The following BMAL2 variants were observed in gnomAD, a reference collection of about 807,000 sequenced individuals.
BMAL2 encodes the protein basic helix-loop-helix ARNT like 2.
chr12:27,382,036 G>A, the BMAL2 span, among the ~76,000 whole-genome samples: 1 of 152,202 alleles, frequency 6.6e-6, no homozygotes, highest in African/African-American at 2.4e-5. Context: ...TAAGAGGAGA[G>A]CAGCACTCAC....
the BMAL2 span, among the ~76,000 whole-genome samples, chr12:27,360,051 TAAAAA>T: frequency 8.7e-6 from 1 of 115,268 alleles, no homozygotes; most frequent in African/African-American, 3.4e-5. Flanking sequence ...AGACCCTATT[TAAAAA>T]AAAAAAAAAA....
At chr12:27,409,212 A>G in the BMAL2 span, among the ~76,000 whole-genome samples, 1 of 152,286 alleles carries the variant, frequency 6.6e-6, no homozygotes, top group African/African-American at 2.4e-5. Context: ...TCAAGCTACC[A>G]ATGACTTTCT....
At chr12:27,347,244 T>C in the BMAL2 span, among the ~76,000 whole-genome samples, 1 of 152,208 alleles carries the variant, frequency 6.6e-6, no homozygotes, top group Non-Finnish European at 1.5e-5. Context: ...AGGGAAGTGA[T>C]ATGGCTATTT....
At chr12:27,374,601 G>A in the BMAL2 span, among the ~76,000 whole-genome samples, 1 of 152,168 alleles carries the variant, frequency 6.6e-6, no homozygotes, top group South Asian at 2.1e-4. Context: ...CCTTTAAGAT[G>A]GCTAAAAAGA....
At chr12:27,368,252 C>T in the BMAL2 span, 2 of 1,613,814 alleles carry the variant, frequency 1.2e-6, no homozygotes, top group Non-Finnish European at 1.7e-6. Context: ...TTGTACTCTG[C>T]TGCCCATAGG....
chr12:27,348,562 C>G, the BMAL2 span, among the ~76,000 whole-genome samples: 1 of 152,014 alleles, frequency 6.6e-6, no homozygotes, highest in Non-Finnish European at 1.5e-5. Context: ...AAAAACCACT[C>G]CTCACTTTAA....
the BMAL2 span, chr12:27,387,224 C>G: frequency 6.3e-7 from 1 of 1,598,398 alleles, no homozygotes; most frequent in Admixed American, 1.7e-5. Flanking sequence ...TTTTTAAATC[C>G]TAGACTGCAG....
At chr12:27,355,038 G>A in the BMAL2 span, among the ~76,000 whole-genome samples, 1 of 152,150 alleles carries the variant, frequency 6.6e-6, no homozygotes, top group Non-Finnish European at 1.5e-5. Flanking sequence ...TCACTGTCTT[G>A]TGTATTTCAG....
chr12:27,389,100 AAG>A, the BMAL2 span: 1 of 961,678 alleles, frequency 1.0e-6, no homozygotes, highest in Admixed American at 2.1e-5. Flanking sequence ...AAAATCAAAA[AAG>A]AACATTTATT....
At chr12:27,344,872 A>C in the BMAL2 span, among the ~76,000 whole-genome samples, 1 of 152,164 alleles carries the variant, frequency 6.6e-6, no homozygotes, top group Non-Finnish European at 1.5e-5. Flanking sequence ...AAAATATGTA[A>C]AGCATATGGT....
At chr12:27,359,320 C>A in the BMAL2 span, among the ~76,000 whole-genome samples, 1 of 152,154 alleles carries the variant, frequency 6.6e-6, no homozygotes, top group Non-Finnish European at 1.5e-5. Flanking sequence ...GTTCTGATTT[C>A]ACATCTTTCA....
chr12:27,347,448 G>T, the BMAL2 span, among the ~76,000 whole-genome samples: 1 of 152,054 alleles, frequency 6.6e-6, no homozygotes, highest in Non-Finnish European at 1.5e-5. Flanking sequence ...TTCCATGAAG[G>T]ATTAGTCTCT....
chr12:27,354,551 A>G, the BMAL2 span, among the ~76,000 whole-genome samples: 1 of 152,194 alleles, frequency 6.6e-6, no homozygotes, highest in Non-Finnish European at 1.5e-5. Context: ...AAACCTGCAC[A>G]TATATCCCTT....
the BMAL2 span, chr12:27,389,368 T>G: frequency 9.6e-7 from 1 of 1,042,300 alleles, no homozygotes; most frequent in Non-Finnish European, 1.4e-6. Flanking sequence ...AGCTACACAG[T>G]GTTTTTAAAA....
chr12:27,385,534 A>G, the BMAL2 span: 1 of 1,604,640 alleles, frequency 6.2e-7, no homozygotes, highest in Admixed American at 1.7e-5. Flanking sequence ...TCTTCAGGAT[A>G]ATGAGCTCAG....
chr12:27,336,677 G>A, the BMAL2 span, among the ~76,000 whole-genome samples: 3 of 152,016 alleles, frequency 2.0e-5, no homozygotes, highest in East Asian at 1.9e-4. Context: ...CTGGCTGGGC[G>A]CGGTGGCTCA....
At chr12:27,357,863 A>C in the BMAL2 span, among the ~76,000 whole-genome samples, 3 of 152,178 alleles carry the variant, frequency 2.0e-5, no homozygotes, top group Non-Finnish European at 4.4e-5. Context: ...AAATCATCTC[A>C]AGATGGATCA....
At chr12:27,418,185 A>G in the BMAL2 span, 8 of 1,607,348 alleles carry the variant, frequency 5.0e-6, no homozygotes, top group Non-Finnish European at 6.8e-6. Context: ...CACAGCCATG[A>G]GCCACTCCTC....
chr12:27,335,621 C>A, the BMAL2 span, among the ~76,000 whole-genome samples: 1 of 152,088 alleles, frequency 6.6e-6, no homozygotes, highest in African/African-American at 2.4e-5. Flanking sequence ...GATCCTTGGG[C>A]AAAATTTCAG....
Sources: allele counts gnomAD v4.1 joint callset (sites outside exome capture counted in the v4.1 genomes callset), GRCh38; gene constraint gnomAD v4.1.1; transcripts MANE v1.5; gene names NCBI Gene and HGNC (gene_info 2026-07-23, HGNC 2026-07-21).